RFTN1: variants seen among roughly 807,000 people sequenced by gnomAD.
RFTN1 encodes the protein raftlin.
In RFTN1, 26 loss-of-function variants were observed where a neutral mutation model predicts 46.5. That is an observed-to-expected ratio of 0.56 (90% CI 0.41 to 0.78). The LOEUF is 0.78. Among genes scored for constraint, RFTN1 ranks in the 30% least tolerant of loss-of-function variants. RFTN1 has a pLI of 0.00. For missense variants in RFTN1, 693 were observed against 718.7 expected (o/e 0.96, Z 0.41); for synonymous variants, 261 against 284.2 (o/e 0.92, Z 0.82).
chr3:16,317,483 A>C lies in RFTN1; in HGVS notation c.1333-251T>G, dbSNP rs1186675538. Among the ~76,000 whole-genome samples the C allele has an allele frequency of 1.4e-4, 22 of 152,116 alleles. No homozygotes were observed. The highest frequency in any genetic ancestry group is 1.4e-3 in the Admixed American group (22 of 15,280). On this transcript the variant is annotated intron_variant, in intron 9 of 9. Coordinates refer to ENST00000334133, the MANE Select transcript of RFTN1 (RefSeq NM_015150.2). The surrounding 1 kb of genome is among the most constrained non-coding windows in gnomAD (Gnocchi z 4.3). Reference sequence around the variant, plus strand: ...ATTTCAGGTTCTGTTGGGGCAGAGCAGTATTTCTTTTGACTGGCTCTATAC... The same window carrying C: ...ATTTCAGGTTCTGTTGGGGCAGAGCCGTATTTCTTTTGACTGGCTCTATAC...
At position 16,443,012 on chromosome 3, in the gene RFTN1, G is replaced by A. The variant is rs1031035392; in HGVS notation, c.146-8975C>T. 3.3e-5 allele frequency among the ~76,000 whole-genome samples: 5 copies of A among 152,136 alleles called. No individual in the cohort carries two copies. Among genetic ancestry groups the A allele is most frequent in the Admixed American group, 6.5e-5 (1 of 15,282 alleles). ...GACATGTAGGTTGTTTCCATATCCTGGCTATTGTGAATAATGCTGCATGGA... is the reference window on the plus strand; with the variant it reads ...GACATGTAGGTTGTTTCCATATCCTAGCTATTGTGAATAATGCTGCATGGA... On this transcript the variant is annotated intron_variant, in intron 2 of 9. Coordinates refer to ENST00000334133, the MANE Select transcript of RFTN1 (RefSeq NM_015150.2). This position sits in a 1 kb window ranked among gnomAD's most constrained non-coding sequence, Gnocchi z 5.5.
chr3:16,397,300 A>G lies in RFTN1; in HGVS notation c.441+12075T>C, dbSNP rs939552679. On this transcript the variant is annotated intron_variant, in intron 4 of 9. Transcript: ENST00000334133. ...CTTATATGTGGAATCAAAAAAAAGA[A>G]AATATCAAATACATAGAAACAATAA... 2.6e-5 allele frequency among the ~76,000 whole-genome samples: 4 copies of G among 152,322 alleles called. No individual in the cohort carries two copies. The East Asian group carries it at 7.7e-4, about 29-fold the overall frequency.
chr3:16,379,346 T>G (rs752541379), intron 4 of RFTN1, among the ~76,000 whole-genome samples: 8 of 152,256 alleles, frequency 5.3e-5, no homozygotes, highest in Admixed American at 1.3e-4. Context: ...TAGCCTGTGC[T>G]AGACATAAAA....
chr3:16,478,715 T>G lies in RFTN1; in HGVS notation c.145+15010A>C, dbSNP rs565102331. ...GGGGGAAGATCCACTTCCAAGCTCA[T>G]GCACACAGTTGTTGAGCAAGATTCA... On this transcript the variant is annotated intron_variant, in intron 2 of 9. Coordinates refer to ENST00000334133, the MANE Select transcript of RFTN1 (RefSeq NM_015150.2). Among the ~76,000 whole-genome samples the G allele has an allele frequency of 2.0e-5, 3 of 152,314 alleles. No individual in the cohort carries two copies. The South Asian group carries it at 6.2e-4, about 32-fold the overall frequency.
chr3:16,323,470 G>C lies in RFTN1; in HGVS notation c.1251-13C>G, dbSNP rs780208556. On this transcript the variant is annotated splice_polypyrimidine_tract_variant and intron_variant, in intron 8 of 9. Coordinates refer to ENST00000334133, the MANE Select transcript of RFTN1 (RefSeq NM_015150.2). ...TACACTCCCCTCGCTGTAACACACG[G>C]AGCTGAGAATGAGCCACTTTATGCC... 6.2e-7 allele frequency: 1 copy of C among 1,605,782 alleles called. No homozygotes were observed. The highest frequency in any genetic ancestry group is 1.3e-5 in the African/African-American group (1 of 74,240).
intron 3 of RFTN1, among the ~76,000 whole-genome samples, chr3:16,419,332 A>G (rs2075144194): frequency 6.6e-6 from 1 of 152,164 alleles, no homozygotes; most frequent in Non-Finnish European, 1.5e-5. Context: ...AGTAAAGAAG[A>G]GTCATGGGTG....
At chr3:16,349,491 A>C (rs1429799750) in intron 7 of RFTN1, 1 of 152,270 alleles carries the variant, frequency 6.6e-6, no homozygotes, top group African/African-American at 2.4e-5. Flanking sequence ...GTATACACAC[A>C]TGCACCTCAG....
rs1213064644 is a variant in RFTN1 at position 16,433,303 on chromosome 3, C to T, written c.332+548G>A. 1.3e-5 allele frequency among the ~76,000 whole-genome samples: 2 copies of T among 152,086 alleles called. No individual in the cohort carries two copies. Among genetic ancestry groups the T allele is most frequent in the East Asian group, 3.9e-4 (2 of 5,188 alleles). On this transcript the variant is annotated intron_variant, in intron 3 of 9. Coordinates refer to ENST00000334133, the MANE Select transcript of RFTN1 (RefSeq NM_015150.2). This position sits in a 1 kb window ranked among gnomAD's most constrained non-coding sequence, Gnocchi z 4.4. ...GGCAAGCCAAACTGAAAAACATCCC[C>T]AAGCCCTGAAAATCTAAATCAAGAC...
intron 6 of RFTN1, among the ~76,000 whole-genome samples, chr3:16,367,864 C>G (rs1285831983): frequency 6.6e-6 from 1 of 151,916 alleles, no homozygotes; most frequent in South Asian, 2.1e-4. Flanking sequence ...TCTTAGGGCC[C>G]CTGACATGCT....
chr3:16,394,945 CTG>C (rs1392942736), intron 4 of RFTN1, among the ~76,000 whole-genome samples: 1 of 152,032 alleles, frequency 6.6e-6, no homozygotes, highest in African/African-American at 2.4e-5. Context: ...GAGCTTGAAA[CTG>C]TGTTAGATAG....
Position 16,426,268 on chromosome 3 carries a change from T to A in RFTN1, c.332+7583A>T, listed in dbSNP as rs2075288438. Among the ~76,000 whole-genome samples the A allele has an allele frequency of 6.6e-6, 1 of 152,160 alleles. No homozygotes were observed. Among genetic ancestry groups the A allele is most frequent in the South Asian group, 2.1e-4 (1 of 4,822 alleles). On this transcript the variant is annotated intron_variant, in intron 3 of 9. Transcript: ENST00000334133. The surrounding 1 kb of genome is among the most constrained non-coding windows in gnomAD (Gnocchi z 5.9). ...CCCCAGTAGGCGCTACCACCCCCTG[T>A]GTATTTCGCTTAATTATGAAACCTC...
In RFTN1 at chr3:16,410,740, G is replaced by C. The variant is rs1261081731; in HGVS notation, c.333-1257C>G. Among the ~76,000 whole-genome samples, 1 of 152,170 alleles carries C rather than the reference G, an allele frequency of 6.6e-6. No individual in the cohort carries two copies. Among genetic ancestry groups the C allele is most frequent in the African/African-American group, 2.4e-5 (1 of 41,438 alleles). ...CCTGCCATCTCTGCACACAGGGGCT[G>C]CTTTCCAAAGCACCACCACATAGAC... On this transcript the variant is annotated intron_variant, in intron 3 of 9. Coordinates refer to ENST00000334133, the MANE Select transcript of RFTN1 (RefSeq NM_015150.2). The surrounding 1 kb of genome is among the most constrained non-coding windows in gnomAD (Gnocchi z 4.6).
intron 2 of RFTN1, among the ~76,000 whole-genome samples, chr3:16,463,864 T>C (rs2076046524): frequency 6.6e-6 from 1 of 152,196 alleles, no homozygotes. Flanking sequence ...GGGTGCGGGC[T>C]GATGACCTAA....
At position 16,437,927 on chromosome 3, in the gene RFTN1, C is replaced by T. The variant is rs186961242; in HGVS notation, c.146-3890G>A. 5.0e-4 allele frequency among the ~76,000 whole-genome samples: 76 copies of T among 152,156 alleles called. 1 individual carries two copies. Among genetic ancestry groups the T allele is most frequent in the Admixed American group, 3.7e-3 (57 of 15,302 alleles). On this transcript the variant is annotated intron_variant, in intron 2 of 9. Coordinates refer to ENST00000334133, the MANE Select transcript of RFTN1 (RefSeq NM_015150.2). ...ACCAAAAGGGCAAAACCACATGTGG[C>T]GGAGACAGTTTGTTTTATTTGAAAA...
intron 7 of RFTN1, chr3:16,339,214 G>A (rs532771818): frequency 1.3e-5 from 2 of 152,330 alleles, no homozygotes; most frequent in East Asian, 1.9e-4. Flanking sequence ...AGCAATCACA[G>A]TTGGCCAATA....
intron 5 of RFTN1, among the ~76,000 whole-genome samples, chr3:16,372,987 A>G (rs894131375): frequency 7.9e-5 from 12 of 152,192 alleles, no homozygotes; most frequent in East Asian, 3.9e-4. Flanking sequence ...CTCTACCCAC[A>G]TGGAAACCAG....
intron 2 of RFTN1, among the ~76,000 whole-genome samples, chr3:16,434,289 C>T (rs776867297): frequency 9.2e-5 from 14 of 151,938 alleles, no homozygotes; most frequent in Non-Finnish European, 1.9e-4. Flanking sequence ...TCTGAGAGGC[C>T]GAGGCAGATG....
At position 16,512,609 on chromosome 3, in the gene RFTN1, G is replaced by T. The variant is rs2076920437; in HGVS notation, c.-9+833C>A. Among the ~76,000 whole-genome samples, 1 of 152,108 alleles carries T rather than the reference G, an allele frequency of 6.6e-6. No individual in the cohort carries two copies. The highest frequency in any genetic ancestry group is 2.4e-5 in the African/African-American group (1 of 41,408). On this transcript the variant is annotated intron_variant, in intron 1 of 9. Coordinates refer to ENST00000334133, the MANE Select transcript of RFTN1 (RefSeq NM_015150.2). This position sits in a 1 kb window ranked among gnomAD's most constrained non-coding sequence, Gnocchi z 4.3. ...CCTCCACGCGGTTCTTGCTGCCAAA[G>T]GCAGCGACACCGGAGGTGAAGGGCA... is the stretch of plus-strand genomic sequence containing the variant.
intron 1 of RFTN1, among the ~76,000 whole-genome samples, chr3:16,495,353 C>T (rs1051942968): frequency 1.3e-5 from 2 of 152,230 alleles, no homozygotes; most frequent in South Asian, 2.1e-4. Context: ...ACACGTAGCC[C>T]GTCAAGATGT....
Sources: gnomAD v4.1 joint callset for allele counts (sites outside exome capture counted in the v4.1 genomes callset) on GRCh38, gnomAD v4.1.1 for gene constraint, Gnocchi (gnomAD v3.1) non-coding constraint, MANE v1.5 for transcripts, NCBI Gene and HGNC (gene_info 2026-07-23, HGNC 2026-07-21) for gene names.